SLC22A23: variants seen among roughly 807,000 people sequenced by gnomAD.
SLC22A23 encodes solute carrier family 22 member 23.
In SLC22A23, 26 loss-of-function variants were observed where a neutral mutation model predicts 61.0. That is an observed-to-expected ratio of 0.43 (90% confidence interval 0.31 to 0.59). The LOEUF (loss-of-function observed/expected upper bound fraction) is 0.59, where lower values mean the gene tolerates loss of function less well. Among genes scored for constraint, SLC22A23 ranks in the 20% least tolerant of loss-of-function variants. The pLI is 0.11. For missense variants in SLC22A23, 796 were observed against 934.7 expected (o/e 0.85, Z 1.94); for synonymous variants, 430 against 413.9 (o/e 1.04, Z -0.47).
chr6:3,277,942 G>T (rs1457680591), intron 9 of SLC22A23, among the ~76,000 whole-genome samples: 1 of 152,234 alleles, frequency 6.6e-6, no homozygotes, highest in South Asian at 2.1e-4. Context: ...CCTTGTGACT[G>T]TGGTCCCTAT....
intron 1 of SLC22A23, among the ~76,000 whole-genome samples, chr6:3,445,200 CTTTA>C (rs904152112): frequency 5.3e-5 from 8 of 151,906 alleles, no homozygotes; most frequent in African/African-American, 7.3e-5. Context: ...TCTTGCCCCC[CTTTA>C]TTTTTTTTTT....
intron 1 of SLC22A23, among the ~76,000 whole-genome samples, chr6:3,450,586 T>C (rs1357265849): frequency 1.3e-5 from 2 of 152,252 alleles, no homozygotes; most frequent in Non-Finnish European, 2.9e-5. Flanking sequence ...ATTACAGGCG[T>C]GAGCCACTGT....
intron 3 of SLC22A23, among the ~76,000 whole-genome samples, chr6:3,370,067 C>G (rs868421667): frequency 6.6e-6 from 1 of 152,150 alleles, no homozygotes; most frequent in Admixed American, 6.5e-5. Context: ...ATAAGAAAAT[C>G]GGCTACAATA....
intron 4 of SLC22A23, among the ~76,000 whole-genome samples, chr6:3,307,856 T>C (rs1293315574): frequency 6.6e-6 from 1 of 152,360 alleles, no homozygotes; most frequent in East Asian, 1.9e-4. Context: ...GATGAATGGA[T>C]AACAAAATGT....
intron 4 of SLC22A23, among the ~76,000 whole-genome samples, chr6:3,315,166 GC>G (rs1179240138): frequency 2.2e-4 from 13 of 57,964 alleles, no homozygotes; most frequent in African/African-American, 6.2e-4. Flanking sequence ...GGGGAAAAGT[GC>G]AAAAAAAAAA....
intron 1 of SLC22A23, among the ~76,000 whole-genome samples, chr6:3,450,238 A>G (rs1450330482): frequency 6.6e-6 from 1 of 152,220 alleles, no homozygotes; most frequent in African/African-American, 2.4e-5. Flanking sequence ...ATGCATGAAG[A>G]TATCCACTGT....
intron 3 of SLC22A23, among the ~76,000 whole-genome samples, chr6:3,345,735 T>C (rs1764398072): frequency 6.6e-6 from 1 of 152,222 alleles, no homozygotes; most frequent in African/African-American, 2.4e-5. Context: ...GTGGGACTTG[T>C]ATTTATATGG....
chr6:3,446,643 C>A (rs796368472), intron 1 of SLC22A23, among the ~76,000 whole-genome samples: 11 of 152,314 alleles, frequency 7.2e-5, no homozygotes, highest in African/African-American at 2.6e-4. Flanking sequence ...CTATTCATCC[C>A]CAGAACCCCT....
chr6:3,439,056 G>GC (rs1487044616), intron 1 of SLC22A23, among the ~76,000 whole-genome samples: 3 of 147,856 alleles, frequency 2.0e-5, no homozygotes, highest in African/African-American at 8.0e-5. Context: ...TCTCAAACTT[G>GC]CCGTATTTGG....
At chr6:3,431,605 A>G (rs1770870612) in intron 1 of SLC22A23, among the ~76,000 whole-genome samples, 1 of 152,224 alleles carries the variant, frequency 6.6e-6, no homozygotes, top group Admixed American at 6.5e-5. Flanking sequence ...AGCTAAAATT[A>G]GCTGCCCAGA....
intron 3 of SLC22A23, among the ~76,000 whole-genome samples, chr6:3,393,508 G>A (rs1430864669): frequency 2.6e-5 from 4 of 152,330 alleles, no homozygotes; most frequent in South Asian, 4.1e-4. Flanking sequence ...CCTTGATGCT[G>A]CAGGTTCTCT....
At chr6:3,311,290 T>C (rs1178201171) in intron 4 of SLC22A23, among the ~76,000 whole-genome samples, 1 of 152,172 alleles carries the variant, frequency 6.6e-6, no homozygotes, top group East Asian at 1.9e-4. Context: ...GAAAGTGATG[T>C]GAGAAGGGCT....
chr6:3,391,027 C>A (rs1767628201), intron 3 of SLC22A23, among the ~76,000 whole-genome samples: 1 of 152,118 alleles, frequency 6.6e-6, no homozygotes. Context: ...CAAAAATGCC[C>A]CTGACAAGAA....
intron 3 of SLC22A23, among the ~76,000 whole-genome samples, chr6:3,370,361 G>A (rs948172259): frequency 2.6e-5 from 4 of 152,260 alleles, no homozygotes; most frequent in Admixed American, 6.5e-5. Context: ...GGCAGTGGGG[G>A]TGCATGTGCC....
intron 1 of SLC22A23, among the ~76,000 whole-genome samples, chr6:3,437,464 T>A (rs1057213190): frequency 2.9e-4 from 44 of 151,688 alleles, no homozygotes; most frequent in African/African-American, 1.0e-3. Context: ...GATCATGAGG[T>A]CACGAGATGG....
rs6928108 is a variant in SLC22A23 at position 3,342,841 on chromosome 6, T to A, written c.914-18839A>T. Among the ~76,000 whole-genome samples, 1 of 152,128 alleles carries A rather than the reference T, an allele frequency of 6.6e-6. No individual in the cohort carries two copies. Among genetic ancestry groups the A allele is most frequent in the Admixed American group, 6.5e-5 (1 of 15,286 alleles). On this transcript the variant is annotated intron_variant, in intron 3 of 9. Coordinates refer to ENST00000406686, the MANE Select transcript of SLC22A23 (RefSeq NM_015482.2). The surrounding 1 kb of genome is among the most constrained non-coding windows in gnomAD (Gnocchi z 4.0). The stretch of plus-strand genomic sequence containing the variant: ...AGGAAAGACAAAGTTTAATCACATA[T>A]GTATACCGGCAGGAGAGTGCAAAAA...
At chr6:3,397,843 A>G (rs1581815246) in intron 3 of SLC22A23, among the ~76,000 whole-genome samples, 1 of 152,144 alleles carries the variant, frequency 6.6e-6, no homozygotes, top group South Asian at 2.1e-4. Context: ...GGGGCTGTAT[A>G]TGGTTCTTTC....
chr6:3,425,931 T>C (rs535104662), intron 1 of SLC22A23, among the ~76,000 whole-genome samples: 60 of 152,368 alleles, frequency 3.9e-4, no homozygotes, highest in Admixed American at 9.1e-4. Flanking sequence ...CTGGTTTATA[T>C]TAATTTGTTA....
In SLC22A23 at chr6:3,318,033, C is replaced by T. The variant is rs953607779; in HGVS notation, c.1082+5801G>A. ...CCCATCTTCCTTGCATCACCAGAGA[C>T]TCCTGTGCTCACTGCACCCCCTGCC... On this transcript the variant is annotated intron_variant, in intron 4 of 9. Transcript: ENST00000406686. The surrounding 1 kb of genome is among the most constrained non-coding windows in gnomAD (Gnocchi z 4.3). Among the ~76,000 whole-genome samples, 6 of 152,190 alleles carry T rather than the reference C, an allele frequency of 3.9e-5. No individual in the cohort carries two copies. The highest frequency in any genetic ancestry group is 2.0e-4 in the Admixed American group (3 of 15,284).
Sources: allele counts gnomAD v4.1 joint callset (sites outside exome capture counted in the v4.1 genomes callset), GRCh38; gene constraint gnomAD v4.1.1; non-coding constraint Gnocchi (gnomAD v3.1); transcripts MANE v1.5; gene names NCBI Gene and HGNC (gene_info 2026-07-23, HGNC 2026-07-21).